Variants in SHANK2 observed in about 807,000 individuals in gnomAD.
The protein encoded by SHANK2 is SH3 and multiple ankyrin repeat domains protein 2.
SHANK2 carries 43 observed loss-of-function variants against 133.7 expected under a neutral mutation model. The observed-to-expected ratio is 0.32, with a 90% CI of 0.25 to 0.41. The LOEUF (loss-of-function observed/expected upper bound fraction) is 0.41, where lower values mean the gene tolerates loss of function less well. SHANK2 is among the 10% of genes least tolerant of loss of function. The probability of loss-of-function intolerance (pLI) is 1.00; values close to 1 mark genes in which losing one functional copy is unlikely to be tolerated. For missense variants in SHANK2, 1,994 were observed against 2,235.8 expected (o/e 0.89, Z 2.18); for synonymous variants, 1,017 against 952.8 (o/e 1.07, Z -1.24).
chr11:71,126,216 C>A lies in SHANK2; in HGVS notation c.208-7184G>T, dbSNP rs1390949079. On this transcript the variant is annotated intron_variant, in intron 3 of 25. Coordinates refer to ENST00000601538, the MANE Select transcript of SHANK2 (RefSeq NM_012309.5). Reference sequence around the variant, plus strand: ...CTGGTGACAGAGTGAGACTCCGTCTCAAAAAAAAAAAAAAAAAAAAAAAAG... The same window carrying A: ...CTGGTGACAGAGTGAGACTCCGTCTAAAAAAAAAAAAAAAAAAAAAAAAAG... Among the ~76,000 whole-genome samples, 77 of 64,440 alleles carry A rather than the reference C, an allele frequency of 1.2e-3. 1 individual carries two copies. Among genetic ancestry groups the A allele is most frequent in the Middle Eastern group, 0.02 (1 of 50 alleles). The allele number at this position is 64,440 out of a possible 152,430, so 42.3% of individuals were successfully genotyped here.
chr11:70,598,838 A>T (rs1298398276), intron 17 of SHANK2, among the ~76,000 whole-genome samples: 3 of 151,868 alleles, frequency 2.0e-5, no homozygotes, highest in African/African-American at 7.3e-5. Flanking sequence ...AAAGGACTTG[A>T]GGAAATTAAT....
chr11:71,228,524 G>A (rs1055903195), intron 1 of SHANK2, among the ~76,000 whole-genome samples: 17 of 152,204 alleles, frequency 1.1e-4, no homozygotes, highest in Admixed American at 2.6e-4. Flanking sequence ...TTGGGAGACC[G>A]AGGCGGTTGC....
chr11:71,233,130 G>C (rs1396674383), intron 1 of SHANK2, among the ~76,000 whole-genome samples: 6 of 147,238 alleles, frequency 4.1e-5, no homozygotes, highest in African/African-American at 1.5e-4. Flanking sequence ...TGCAGGTACA[G>C]GAGACCCCAT....
intron 14 of SHANK2, among the ~76,000 whole-genome samples, chr11:70,794,855 CT>C (rs2135199398): frequency 6.6e-6 from 1 of 152,266 alleles, no homozygotes; most frequent in Admixed American, 6.5e-5. Context: ...CACACCTGGC[CT>C]GTGAAGGAAG....
At chr11:70,810,458 A>T (rs1948255160) in intron 12 of SHANK2, among the ~76,000 whole-genome samples, 2 of 152,194 alleles carry the variant, frequency 1.3e-5, no homozygotes, top group Non-Finnish European at 1.5e-5. Flanking sequence ...GGGGAGGAGA[A>T]TCCCGGCAAC....
chr11:70,489,495 C>T, intron 23 of SHANK2, 147 bp from the exon 24 acceptor site: 1 of 786,894 alleles, frequency 1.3e-6, no homozygotes, highest in Non-Finnish European at 2.3e-6. Flanking sequence ...CTACAGTTAT[C>T]CACCTGAGAC....
chr11:71,225,032 A>G (rs1441034476), intron 1 of SHANK2, among the ~76,000 whole-genome samples: 1 of 152,242 alleles, frequency 6.6e-6, no homozygotes, highest in Non-Finnish European at 1.5e-5. Context: ...AAGGCAGACC[A>G]GCCAGGGACA....
intron 17 of SHANK2, among the ~76,000 whole-genome samples, chr11:70,636,270 CATGTGTGTGTACATGTATGAGT>C (rs2061080405): frequency 6.6e-6 from 1 of 152,066 alleles, no homozygotes. Flanking sequence ...TGCGAGCATG[CATGTGTGTGTACATGTATGAGT>C]ATGTGTGTGA....
At chr11:70,851,163 C>T (rs1010618881) in intron 11 of SHANK2, among the ~76,000 whole-genome samples, 6 of 144,748 alleles carry the variant, frequency 4.1e-5, no homozygotes, top group Non-Finnish European at 3.0e-5. Context: ...ACTCTCAGAT[C>T]CAAATACCAG....
chr11:70,552,161 T>C (rs1256855556), intron 17 of SHANK2, among the ~76,000 whole-genome samples: 1 of 152,138 alleles, frequency 6.6e-6, no homozygotes, highest in Non-Finnish European at 1.5e-5. Flanking sequence ...CTTTGAAGAA[T>C]AATATGAGTA....
chr11:70,825,143 G>A (rs1411306462), intron 11 of SHANK2, among the ~76,000 whole-genome samples: 1 of 152,170 alleles, frequency 6.6e-6, no homozygotes, highest in Non-Finnish European at 1.5e-5. Flanking sequence ...GTAACTGGGG[G>A]AGGTATGCAT....
intron 14 of SHANK2, among the ~76,000 whole-genome samples, chr11:70,777,545 A>ATCCT (rs1484026668): frequency 6.6e-6 from 1 of 152,148 alleles, no homozygotes; most frequent in East Asian, 1.9e-4. Context: ...CCATCCATCC[A>ATCCT]TCCATCAGAA....
rs137861233 is a variant in SHANK2 at position 70,840,705 on chromosome 11, T to C, written c.1175-20023A>G. 5.9e-3 allele frequency among the ~76,000 whole-genome samples: 891 copies of C among 152,070 alleles called. 4 individuals are homozygous for C. Among genetic ancestry groups the C allele is most frequent in the African/African-American group, 0.02 (833 of 41,482 alleles). On this transcript the variant is annotated intron_variant, in intron 11 of 25. Coordinates refer to ENST00000601538, the MANE Select transcript of SHANK2 (RefSeq NM_012309.5). ...ATCAGGGCAGGGCTCTTCCAGGAAG[T>C]GGGAGCCTGGGGAGGGCTGGGGGGC... is the stretch of plus-strand genomic sequence containing the variant.
chr11:70,717,107 C>A (rs1945949485), intron 14 of SHANK2, among the ~76,000 whole-genome samples: 1 of 152,220 alleles, frequency 6.6e-6, no homozygotes, highest in Non-Finnish European at 1.5e-5. Flanking sequence ...AACGGAAATC[C>A]ACCCAGCCAT....
intron 13 of SHANK2, among the ~76,000 whole-genome samples, chr11:70,802,799 CA>C (rs1307685838): frequency 5.3e-5 from 8 of 152,168 alleles, no homozygotes; most frequent in Non-Finnish European, 5.9e-5. Flanking sequence ...CCAGCATTGG[CA>C]ATGCTATGTC....
At chr11:71,137,003 C>T (rs1195701090) in intron 3 of SHANK2, among the ~76,000 whole-genome samples, 2 of 152,124 alleles carry the variant, frequency 1.3e-5, no homozygotes, top group Non-Finnish European at 2.9e-5. Flanking sequence ...GCTGGGATTA[C>T]AGGCATGCGC....
chr11:70,470,987 C>T lies in SHANK2; in HGVS notation c.*1882G>A, dbSNP rs1318501559. The stretch of plus-strand genomic sequence containing the variant: ...AAAATATAACACAGCTCTGCTGGTT[C>T]AGATGCATCCAAATAAGGTTGATTT... On this transcript the variant is annotated 3_prime_UTR_variant, in exon 26 of 26. Transcript: ENST00000601538. The T allele has an allele frequency of 2.8e-5, 8 of 281,054 alleles. No individual in the cohort carries two copies. The highest frequency in any genetic ancestry group is 5.2e-5 in the Non-Finnish European group (8 of 153,100). 17.4% of individuals were successfully genotyped at this position (281,054 alleles called of 1,614,324 possible).
At chr11:71,171,280 C>T (rs527716599) in intron 2 of SHANK2, among the ~76,000 whole-genome samples, 1 of 152,310 alleles carries the variant, frequency 6.6e-6, no homozygotes, top group Non-Finnish European at 1.5e-5. Context: ...TGTCTGCAGG[C>T]TGGAGTCCCT....
At chr11:70,572,585 C>A (rs180813589) in intron 17 of SHANK2, among the ~76,000 whole-genome samples, 1 of 152,224 alleles carries the variant, frequency 6.6e-6, no homozygotes, top group Admixed American at 6.5e-5. Context: ...GAGAGAAAGC[C>A]CCTCTGTTCC....
Sources: allele counts gnomAD v4.1 joint callset (sites outside exome capture counted in the v4.1 genomes callset), GRCh38; gene constraint gnomAD v4.1.1; transcripts MANE v1.5; gene names NCBI Gene and HGNC (gene_info 2026-07-23, HGNC 2026-07-21).